The following EYS variants were observed in gnomAD, a reference collection of about 807,000 sequenced individuals.
The protein encoded by EYS is protein eyes shut homolog.
A neutral mutation model predicts 282.1 loss-of-function variants in EYS; 250 were observed. That is an observed-to-expected ratio of 0.89 (90% confidence interval 0.80 to 0.98). The LOEUF is 0.98. EYS is among the 50% of genes least tolerant of loss of function. The probability of loss-of-function intolerance (pLI) is 0.00; values close to 1 mark genes in which losing one functional copy is unlikely to be tolerated. For synonymous variants in EYS, 1,355 were observed against 1,282.9 expected, an observed-to-expected ratio of 1.06 and a Z score of -1.20; for missense variants, 4,016 against 3,709.0, an observed-to-expected ratio of 1.08 and a Z score of -2.15.
chr6:64,523,343 T>C (rs1445329937), intron 26 of EYS, among the ~76,000 whole-genome samples: 1 of 151,804 alleles, frequency 6.6e-6, no homozygotes, highest in Non-Finnish European at 1.5e-5. Context: ...CACTTTGTGT[T>C]TATTTGTTTC....
intron 31 of EYS, among the ~76,000 whole-genome samples, chr6:64,182,403 C>A (rs973255276): frequency 3.9e-5 from 6 of 152,076 alleles, no homozygotes; most frequent in African/African-American, 1.2e-4. Flanking sequence ...GGTGAGGAGT[C>A]TGTGTTCCTC....
intron 30 of EYS, among the ~76,000 whole-genome samples, chr6:64,298,160 A>G (rs1276034015): frequency 6.6e-6 from 1 of 152,176 alleles, no homozygotes; most frequent in Non-Finnish European, 1.5e-5. Flanking sequence ...GTAAATTAAT[A>G]GGCAATTATT....
intron 33 of EYS, among the ~76,000 whole-genome samples, chr6:64,041,443 G>C (rs990823982): frequency 1.1e-4 from 16 of 152,144 alleles, no homozygotes; most frequent in African/African-American, 3.9e-4. Flanking sequence ...TGAAAACACT[G>C]AGCCAAAAGA....
chr6:64,107,203 G>A (rs976725259), intron 31 of EYS, among the ~76,000 whole-genome samples: 11 of 144,882 alleles, frequency 7.6e-5, no homozygotes, highest in African/African-American at 2.9e-4. Context: ...CCTTCAAACA[G>A]TGTATGAGTT....
chr6:65,334,960 C>A lies in EYS; in HGVS notation c.1766+20G>T. Reference sequence around the variant, plus strand: ...ACTTTTTGATATGTGATATTATCTGCTCAAATGATACATAAATACCTGGGT... The same window carrying A: ...ACTTTTTGATATGTGATATTATCTGATCAAATGATACATAAATACCTGGGT... On this transcript the variant is annotated intron_variant, in intron 11 of 42. Coordinates refer to ENST00000503581, the MANE Select transcript of EYS (RefSeq NM_001142800.2). 1 of 1,597,984 alleles carries A rather than the reference C, an allele frequency of 6.3e-7. No homozygotes were observed. The highest frequency in any genetic ancestry group is 8.6e-7 in the Non-Finnish European group (1 of 1,168,628).
chr6:64,796,478 G>A (rs912062237), intron 22 of EYS, among the ~76,000 whole-genome samples: 28 of 152,088 alleles, frequency 1.8e-4, no homozygotes, highest in African/African-American at 6.8e-4. Flanking sequence ...AGATTTAGTA[G>A]GGCAATCAAC....
At chr6:63,779,671 T>TA (rs1222065044) in intron 39 of EYS, among the ~76,000 whole-genome samples, 1 of 151,714 alleles carries the variant, frequency 6.6e-6, no homozygotes, top group Non-Finnish European at 1.5e-5. Flanking sequence ...ATAAGGTCTT[T>TA]AAAATGATAA....
At chr6:63,874,755 T>C (rs1009819511) in intron 35 of EYS, among the ~76,000 whole-genome samples, 1 of 152,230 alleles carries the variant, frequency 6.6e-6, no homozygotes, top group Non-Finnish European at 1.5e-5. Context: ...AGTTCACTCA[T>C]GATTTGGCTC....
intron 35 of EYS, among the ~76,000 whole-genome samples, chr6:63,965,566 T>C (rs149579703): frequency 7.9e-5 from 12 of 152,310 alleles, no homozygotes; most frequent in South Asian, 2.1e-4. Context: ...CATCTGGTAA[T>C]GTAACAGGTC....
intron 31 of EYS, among the ~76,000 whole-genome samples, chr6:64,134,300 T>G (rs3013168): frequency 0.45 from 67,823 of 151,760 alleles, 17,273 homozygotes; most frequent in African/African-American, 0.7. Flanking sequence ...TTCTTCATCT[T>G]CAGAATAATA....
At chr6:64,317,017 G>A (rs1250880017) in intron 29 of EYS, among the ~76,000 whole-genome samples, 2 of 152,002 alleles carry the variant, frequency 1.3e-5, no homozygotes, top group African/African-American at 4.8e-5. Flanking sequence ...CCATATGCAG[G>A]AAGGTGAAAC....
Position 64,553,556 on chromosome 6 carries a change from C to CCCA in EYS, c.5644+36664_5644+36666dup, listed in dbSNP as rs1554177886. On this transcript the variant is annotated intron_variant, in intron 26 of 42. Transcript: ENST00000503581. ...GTGACTTTTGTTTGACCCCCCCCCC[C>CCCA]CCATAGGCAGTTACAAGGCAAATGT... Among the ~76,000 whole-genome samples, 39 of 137,506 alleles carry CCCA rather than the reference C, an allele frequency of 2.8e-4. 3 individuals are homozygous for CCCA. Among genetic ancestry groups the CCCA allele is most frequent in the Non-Finnish European group, 1.9e-4 (12 of 63,336 alleles). 90.2% of individuals were successfully genotyped at this position (137,506 alleles called of 152,430 possible).
At chr6:64,393,109 T>C (rs1773215774) in intron 28 of EYS, among the ~76,000 whole-genome samples, 2 of 152,116 alleles carry the variant, frequency 1.3e-5, no homozygotes, top group African/African-American at 2.4e-5. Context: ...AATAGACCAA[T>C]AGCAGGATCT....
rs142794615 is a variant in EYS at position 63,935,360 on chromosome 6, CT to C, written c.7055+49022del. Among the ~76,000 whole-genome samples, 259 of 152,354 alleles carry C rather than the reference CT, an allele frequency of 1.7e-3. 3 individuals are homozygous for C. In the East Asian group the frequency reaches 0.042, roughly 25 times the overall value. Reference sequence around the variant, plus strand: ...ACATGCCCTCTTAGACAGCACTTATCTGTTATGAGCTGAATTGTTTTTTCCC... The same window carrying C: ...ACATGCCCTCTTAGACAGCACTTATCGTTATGAGCTGAATTGTTTTTTCCC... On this transcript the variant is annotated intron_variant, in intron 35 of 42. Transcript: ENST00000503581.
At chr6:65,102,439 T>C (rs1774920879) in intron 12 of EYS, among the ~76,000 whole-genome samples, 1 of 151,286 alleles carries the variant, frequency 6.6e-6, no homozygotes, top group Non-Finnish European at 1.5e-5. Flanking sequence ...CCAGTATTCA[T>C]TTCATTTTTT....
chr6:65,238,002 C>T (rs1375662300), intron 12 of EYS, among the ~76,000 whole-genome samples: 1 of 151,820 alleles, frequency 6.6e-6, no homozygotes, highest in Non-Finnish European at 1.5e-5. Flanking sequence ...CCATAAAGTA[C>T]AGTTCTCTTT....
chr6:65,573,209 G>A (rs1764542301), intron 2 of EYS, among the ~76,000 whole-genome samples: 1 of 152,072 alleles, frequency 6.6e-6, no homozygotes, highest in Admixed American at 6.6e-5. Context: ...GGGCTCAAGA[G>A]CTCATTAATG....
At chr6:65,459,781 C>T (rs1012941313) in intron 5 of EYS, among the ~76,000 whole-genome samples, 6 of 150,422 alleles carry the variant, frequency 4.0e-5, no homozygotes, top group Non-Finnish European at 7.4e-5. Context: ...TATTTAAAAC[C>T]AACTGAAATA....
intron 28 of EYS, among the ~76,000 whole-genome samples, chr6:64,407,472 A>C (rs1163116491): frequency 2.6e-5 from 4 of 152,160 alleles, no homozygotes; most frequent in Non-Finnish European, 5.9e-5. Flanking sequence ...AAAAGGGTTC[A>C]TCAATTAATA....
Sources: allele counts gnomAD v4.1 joint callset (sites outside exome capture counted in the v4.1 genomes callset), GRCh38; gene constraint gnomAD v4.1.1; transcripts MANE v1.5; gene names NCBI Gene and HGNC (gene_info 2026-07-23, HGNC 2026-07-21).